The following PLPP4 variants were observed in gnomAD, a reference collection of about 807,000 sequenced individuals.
PLPP4 encodes phospholipid phosphatase 4.
PLPP4 carries 20 observed loss-of-function variants against 32.2 expected under a neutral mutation model. The ratio of observed to expected loss-of-function variants is 0.62; its 90% CI spans 0.44 to 0.90. The LOEUF (loss-of-function observed/expected upper bound fraction) is 0.90. PLPP4 is among the 40% of genes least tolerant of loss of function. The pLI, the probability that PLPP4 is intolerant of heterozygous loss-of-function variation, is 0.00. For missense variants in PLPP4, 257 were observed against 353.1 expected (o/e 0.73, Z 2.18); for synonymous variants, 127 against 133.0 (o/e 0.95, Z 0.31).
intron 5 of PLPP4, among the ~76,000 whole-genome samples, chr10:120,544,449 C>T (rs1847515611): frequency 6.6e-6 from 1 of 152,172 alleles, no homozygotes; most frequent in Non-Finnish European, 1.5e-5. Context: ...TGCTAAGCTC[C>T]TCACTGCCCT....
At chr10:120,458,466 T>C (rs919691416) in intron 1 of PLPP4, among the ~76,000 whole-genome samples, 2 of 152,214 alleles carry the variant, frequency 1.3e-5, no homozygotes, top group Non-Finnish European at 2.9e-5. Flanking sequence ...GAGTCATCCA[T>C]GGCAGGTGTG....
At chr10:120,461,393 G>A (rs773389071) in intron 1 of PLPP4, among the ~76,000 whole-genome samples, 2 of 152,158 alleles carry the variant, frequency 1.3e-5, no homozygotes, top group African/African-American at 4.8e-5. Flanking sequence ...TGTGCTGGAC[G>A]GGGGGAAAGA....
intron 1 of PLPP4, among the ~76,000 whole-genome samples, chr10:120,466,812 C>T (rs1450306655): frequency 2.0e-5 from 3 of 152,084 alleles, no homozygotes; most frequent in Non-Finnish European, 4.4e-5. Flanking sequence ...GTAAGCTGTG[C>T]CAGGTACCTT....
chr10:120,566,582 A>G (rs1714130067), intron 5 of PLPP4, among the ~76,000 whole-genome samples: 1 of 145,368 alleles, frequency 6.9e-6, no homozygotes, highest in African/African-American at 2.6e-5. Flanking sequence ...TCACCCTGTC[A>G]CCCAGGCTGG....
At chr10:120,544,215 C>T (rs1477439301) in intron 5 of PLPP4, among the ~76,000 whole-genome samples, 3 of 152,214 alleles carry the variant, frequency 2.0e-5, no homozygotes, top group Non-Finnish European at 4.4e-5. Flanking sequence ...GCAGCTGCAT[C>T]ATTTTACATT....
At chr10:120,539,719 T>C (rs1206037466) in intron 5 of PLPP4, among the ~76,000 whole-genome samples, 2 of 152,190 alleles carry the variant, frequency 1.3e-5, no homozygotes, top group African/African-American at 4.8e-5. Flanking sequence ...TACCAATAAA[T>C]GGATTCCATT....
intron 1 of PLPP4, among the ~76,000 whole-genome samples, chr10:120,497,264 T>G (rs1845014339): frequency 6.6e-6 from 1 of 152,160 alleles, no homozygotes; most frequent in Non-Finnish European, 1.5e-5. Context: ...TTCAGATCAC[T>G]CCAACTTTAG....
At chr10:120,563,499 T>A (rs1848528026) in intron 5 of PLPP4, among the ~76,000 whole-genome samples, 4 of 151,924 alleles carry the variant, frequency 2.6e-5, no homozygotes, top group Admixed American at 2.6e-4. Flanking sequence ...TACCTAGAGT[T>A]ATAAAAATCT....
chr10:120,558,339 T>C (rs990443836), intron 5 of PLPP4, among the ~76,000 whole-genome samples: 5 of 151,916 alleles, frequency 3.3e-5, no homozygotes, highest in African/African-American at 1.2e-4. Context: ...ATTTTGCTCA[T>C]TATTATTTTT....
At chr10:120,552,077 T>C (rs530483128) in intron 5 of PLPP4, among the ~76,000 whole-genome samples, 3 of 152,232 alleles carry the variant, frequency 2.0e-5, no homozygotes, top group Non-Finnish European at 2.9e-5. Context: ...AGTAAATATC[T>C]GTTGAATTAG....
chr10:120,580,660 C>CACACACAA, intron 6 of PLPP4, among the ~76,000 whole-genome samples: 1 of 140,364 alleles, frequency 7.1e-6, no homozygotes, highest in African/African-American at 2.6e-5. Context: ...CACACACACA[C>CACACACAA]ACACACACAC....
intron 5 of PLPP4, among the ~76,000 whole-genome samples, chr10:120,568,018 A>G (rs540398453): frequency 2.6e-5 from 4 of 152,346 alleles, no homozygotes; most frequent in South Asian, 4.1e-4. Context: ...AAGCCACCTC[A>G]TCATTGATAC....
chr10:120,518,951 G>A, intron 4 of PLPP4, 55 bp downstream of exon 4: 1 of 1,462,370 alleles, frequency 6.8e-7, no homozygotes, highest in South Asian at 1.2e-5. Context: ...CATCTATATA[G>A]GAAGCTGGGC....
chr10:120,535,751 T>C (rs1012928232), intron 5 of PLPP4, among the ~76,000 whole-genome samples: 5 of 152,194 alleles, frequency 3.3e-5, no homozygotes, highest in African/African-American at 1.2e-4. Flanking sequence ...TGACTTCATG[T>C]GGATGCAAAC....
chr10:120,555,427 G>C (rs1020551562), intron 5 of PLPP4, among the ~76,000 whole-genome samples: 1 of 152,142 alleles, frequency 6.6e-6, no homozygotes, highest in African/African-American at 2.4e-5. Context: ...TGGTACCACA[G>C]TTTTCAGTCT....
At chr10:120,579,923 T>C (rs1277337273) in intron 6 of PLPP4, among the ~76,000 whole-genome samples, 1 of 145,128 alleles carries the variant, frequency 6.9e-6, no homozygotes, top group East Asian at 2.0e-4. Context: ...CTGGCTAACA[T>C]GGTGAAACCC....
At chr10:120,565,527 T>C (rs1484951037) in intron 5 of PLPP4, among the ~76,000 whole-genome samples, 2 of 152,182 alleles carry the variant, frequency 1.3e-5, no homozygotes, top group African/African-American at 4.8e-5. Flanking sequence ...TCTTTTGAAG[T>C]CATCTGTGAG....
At chr10:120,499,763 A>G (rs1375940876) in intron 1 of PLPP4, among the ~76,000 whole-genome samples, 1 of 152,148 alleles carries the variant, frequency 6.6e-6, no homozygotes, top group East Asian at 1.9e-4. Flanking sequence ...AAAGTTTGGG[A>G]ACCGCCGACC....
rs188162483 is a variant in PLPP4, at chr10:120,512,819, A to T, written c.166-1092A>T. Among the ~76,000 whole-genome samples, 65 of 152,296 alleles carry T rather than the reference A, an allele frequency of 4.3e-4. No individual in the cohort carries two copies. In the East Asian group the frequency reaches 9.1e-3, roughly 21 times the overall value. Reference sequence around the variant, plus strand: ...AGAGTGAGACTCTATCTAAAAAAATAAAAAATACATTTAAAAAAGAAGAGC... The same window carrying T: ...AGAGTGAGACTCTATCTAAAAAAATTAAAAATACATTTAAAAAAGAAGAGC... On this transcript the variant is annotated intron_variant, in intron 2 of 6. Coordinates refer to ENST00000398250, the MANE Select transcript of PLPP4 (RefSeq NM_001030059.3).
Sources: gnomAD v4.1 joint callset for allele counts (sites outside exome capture counted in the v4.1 genomes callset) on GRCh38, gnomAD v4.1.1 for gene constraint, MANE v1.5 for transcripts, NCBI Gene and HGNC (gene_info 2026-07-23, HGNC 2026-07-21) for gene names.